ACAA1: variants seen among roughly 807,000 people sequenced by gnomAD.
ACAA1 encodes the protein acetyl-CoA acyltransferase 1.
A neutral mutation model predicts 48.8 loss-of-function variants in ACAA1; 44 were observed. The ratio of observed to expected loss-of-function variants is 0.90; its 90% confidence interval spans 0.71 to 1.16. The LOEUF (loss-of-function observed/expected upper bound fraction) is 1.16, where lower values mean the gene tolerates loss of function less well. Ranked by LOEUF, ACAA1 falls within the 50% of genes most tolerant of loss-of-function variation. The pLI, the probability that ACAA1 is intolerant of heterozygous loss-of-function variation, is 0.00. For synonymous variants in ACAA1, 233 were observed against 226.5 expected, an observed-to-expected ratio of 1.03 and a Z score of -0.26; for missense variants, 512 against 562.3, an observed-to-expected ratio of 0.91 and a Z score of 0.90.
rs143507571 is a variant in ACAA1 at position 38,132,002 on chromosome 3, G to A, written c.327C>T (p.Asp109=). 6.6e-5 allele frequency: 106 copies of A among 1,613,230 alleles called. No individual in the cohort carries two copies. The African/African-American group carries it at 1.2e-3, about 18-fold the overall frequency. The part of the protein sequence containing the change: ...IMARIAQFLS[D]IPETVPLSTV... ...TGGACAAAGGCACAGTCTCCGGGATGTCACTGAAACAGAAGGTGAGAAAGT... is the reference window on the plus strand; with the variant it reads ...TGGACAAAGGCACAGTCTCCGGGATATCACTGAAACAGAAGGTGAGAAAGT... Residue 109 remains aspartate (D), a synonymous_variant, in exon 4 of 12, where the codon GAC becomes GAT. Transcript: ENST00000333167.
chr3:38,127,913 G>A (rs1700710972), intron 6 of ACAA1, 47 bp from the exon 7 acceptor site: 1 of 1,599,238 alleles, frequency 6.3e-7, no homozygotes, highest in Non-Finnish European at 8.6e-7. Flanking sequence ...TGACAGCCTA[G>A]AGGAAGGGAC....
intron 2 of ACAA1, chr3:38,134,384 G>A (rs1389849598): frequency 7.1e-6 from 3 of 422,940 alleles, no homozygotes; most frequent in Non-Finnish European, 1.4e-5. Flanking sequence ...AACAGTGATT[G>A]CCGACCTAGG....
At position 38,126,798 on chromosome 3, in the gene ACAA1, G is replaced by A. The variant is rs1700692195; in HGVS notation, c.627-98C>T. On this transcript the variant is annotated intron_variant, in intron 7 of 11. Coordinates refer to ENST00000333167, the MANE Select transcript of ACAA1 (RefSeq NM_001607.4). This position sits in a 1 kb window ranked among gnomAD's most constrained non-coding sequence, Gnocchi z 4.7. ...ATTTGGGTAGACACAAGCTCAGGCTGCTAAATTCAGGGACATGCTCGACTT... is the reference window on the plus strand; with the variant it reads ...ATTTGGGTAGACACAAGCTCAGGCTACTAAATTCAGGGACATGCTCGACTT... 2.1e-6 allele frequency: 3 copies of A among 1,448,794 alleles called. No homozygotes were observed. The highest frequency in any genetic ancestry group is 2.8e-5 in the African/African-American group (2 of 71,532). The allele number at this position is 1,448,794 out of a possible 1,614,324, so 89.7% of individuals were successfully genotyped here.
intron 3 of ACAA1, 199 bp from the exon 4 acceptor site, chr3:38,132,204 A>G: frequency 4.6e-6 from 2 of 438,704 alleles, no homozygotes; most frequent in Non-Finnish European, 8.5e-6. Context: ...CTCTGCAGGC[A>G]CTTGCTCCCC....
intron 2 of ACAA1, chr3:38,134,482 T>TG: frequency 2.2e-6 from 1 of 457,914 alleles, no homozygotes; most frequent in Non-Finnish European, 4.4e-6. Flanking sequence ...CTGAAGATTG[T>TG]GGGGAAAAGA....
At position 38,125,609 on chromosome 3, in the gene ACAA1, T is replaced by G. The variant is rs948315727; in HGVS notation, c.1155A>C (p.Arg385=). 6.3e-7 allele frequency: 1 copy of G among 1,595,052 alleles called. No individual in the cohort carries two copies. The highest frequency in any genetic ancestry group is 1.3e-5 in the African/African-American group (1 of 74,392). ...GCTCATTGAGCAGCGTGATGACCTG[T>G]CGTGCCCCAGTGCAGCCCAGTGGGT... is the stretch of plus-strand genomic sequence containing the variant. The part of the protein sequence containing the change: ...LGHPLGCTGA[R]QVITLLNELK... Residue 385 remains arginine (R), a synonymous_variant, in exon 11 of 12, where the codon CGA becomes CGC. Coordinates refer to ENST00000333167, the MANE Select transcript of ACAA1 (RefSeq NM_001607.4).
chr3:38,129,446 C>T lies in ACAA1; in HGVS notation c.447-58G>A. On this transcript the variant is annotated intron_variant, in intron 5 of 11. Transcript: ENST00000333167. This position sits in a 1 kb window ranked among gnomAD's most constrained non-coding sequence, Gnocchi z 5.3. The stretch of plus-strand genomic sequence containing the variant: ...TGAACTGGGCCCTAGCAGGACTCCT[C>T]CAGAGATAGCTGAACACTTGGCAAG... 7.4e-7 allele frequency: 1 copy of T among 1,350,698 alleles called. No homozygotes were observed. Among genetic ancestry groups the T allele is most frequent in the Non-Finnish European group, 1.1e-6 (1 of 949,120 alleles). 83.7% of individuals were successfully genotyped at this position (1,350,698 alleles called of 1,614,324 possible).
intron 2 of ACAA1, among the ~76,000 whole-genome samples, chr3:38,134,975 G>A (rs962611687): frequency 1.2e-4 from 19 of 152,112 alleles, no homozygotes; most frequent in Admixed American, 9.8e-4. Context: ...GGAATGTCTC[G>A]GTGTAAAGCC....
intron 4 of ACAA1, 75 bp downstream of exon 4, chr3:38,131,851 T>C: frequency 1.4e-6 from 2 of 1,437,636 alleles, no homozygotes; most frequent in Admixed American, 3.4e-5. Context: ...AATTATTGCT[T>C]GCCCGGCAGA....
At position 38,125,887 on chromosome 3, in the gene ACAA1, G is replaced by C; in HGVS notation, c.998-6C>G. On this transcript the variant is annotated splice_region_variant and splice_polypyrimidine_tract_variant and intron_variant, in intron 9 of 11. Transcript: ENST00000333167. ...CACGTCACTCACTGTCAGCCCTGCAGACAAGGTAAAGACCTGAGCTGACAC... is the reference window on the plus strand; with the variant it reads ...CACGTCACTCACTGTCAGCCCTGCACACAAGGTAAAGACCTGAGCTGACAC... 1.2e-6 allele frequency: 2 copies of C among 1,614,184 alleles called. No homozygotes were observed. Among genetic ancestry groups the C allele is most frequent in the Non-Finnish European group, 1.7e-6 (2 of 1,180,040 alleles).
intron 11 of ACAA1, 26 bp from the exon 12 acceptor site, chr3:38,123,148 G>A: frequency 6.2e-7 from 1 of 1,611,722 alleles, no homozygotes; most frequent in Non-Finnish European, 8.5e-7. Context: ...TTAATTGGCT[G>A]GGCAAAGGCA....
intron 5 of ACAA1, among the ~76,000 whole-genome samples, chr3:38,130,128 C>T (rs1042255220): frequency 6.6e-6 from 1 of 152,196 alleles, no homozygotes; most frequent in Non-Finnish European, 1.5e-5. Context: ...GGAAGTGCTA[C>T]GAGCTGAGAG....
Position 38,126,695 on chromosome 3 carries a change from G to C in ACAA1, c.632C>G (p.Ala211Gly). Residue 211 changes from alanine (A) to glycine (G), a missense_variant, in exon 8 of 12, where the codon GCA (alanine) becomes GGA (glycine). By Grantham distance (60) the Ala-to-Gly change is moderately conservative. Coordinates refer to ENST00000333167, the MANE Select transcript of ACAA1 (RefSeq NM_001607.4). The surrounding 1 kb of genome is among the most constrained non-coding windows in gnomAD (Gnocchi z 4.7). The part of the protein sequence containing the change: ...TFALASQQKA[A>G]RAQSKGCFQA... ...GAAACAGCCCTTGCTCTGGGCTCTTGCTGCCCTGCCAGCACCATGGACAGC... is the reference window on the plus strand; with the variant it reads ...GAAACAGCCCTTGCTCTGGGCTCTTCCTGCCCTGCCAGCACCATGGACAGC... The C allele has an allele frequency of 1.9e-6, 3 of 1,613,364 alleles. No homozygotes were observed. Among genetic ancestry groups the C allele is most frequent in the Admixed American group, 1.7e-5 (1 of 60,018 alleles).
chr3:38,127,940 G>A, intron 6 of ACAA1, 74 bp from the exon 7 acceptor site: 1 of 1,533,198 alleles, frequency 6.5e-7, no homozygotes, highest in Non-Finnish European at 9.0e-7. Flanking sequence ...GTAGAGCTGT[G>A]CTTGGAACTT....
intron 2 of ACAA1, chr3:38,135,322 A>C (rs1353981840): frequency 6.6e-6 from 1 of 152,178 alleles, no homozygotes; most frequent in African/African-American, 2.4e-5. Context: ...ACAGAGACAA[A>C]GTATAGAGGA....
intron 7 of ACAA1, among the ~76,000 whole-genome samples, chr3:38,127,031 C>T (rs1239964142): frequency 6.6e-6 from 1 of 152,232 alleles, no homozygotes; most frequent in East Asian, 1.9e-4. Flanking sequence ...AATATCTGTG[C>T]TGGGTTCTGC....
At chr3:38,135,082 C>T (rs1700863988) in intron 2 of ACAA1, 1 of 152,266 alleles carries the variant, frequency 6.6e-6, no homozygotes, top group Non-Finnish European at 1.5e-5. Flanking sequence ...CTTTGCTACA[C>T]TGAGATGTCT....
intron 2 of ACAA1, chr3:38,134,533 A>C (rs964764676): frequency 2.2e-6 from 1 of 456,170 alleles, no homozygotes; most frequent in South Asian, 1.6e-5. Flanking sequence ...AAAGGAAGAC[A>C]TAAGAAACTC....
At position 38,129,318 on chromosome 3, in the gene ACAA1, T is replaced by C; in HGVS notation, c.517A>G (p.Lys173Glu). ...NITSRLMEKE[K>E]ARDCLIPMGI... ...ATAGGAATCAGGCAATCTCTGGCCTTCTCCTTCTCCATCAAGCGCGAAGTA... is the reference window on the plus strand; with the variant it reads ...ATAGGAATCAGGCAATCTCTGGCCTCCTCCTTCTCCATCAAGCGCGAAGTA... Residue 173 changes from lysine to glutamate, a missense_variant, in exon 6 of 12, where the codon AAG becomes GAG. Lys to Glu is a moderately conservative substitution (Grantham distance 56). Transcript: ENST00000333167. The surrounding 1 kb of genome is among the most constrained non-coding windows in gnomAD (Gnocchi z 5.3). 1 of 1,614,056 alleles carries C rather than the reference T, an allele frequency of 6.2e-7. No homozygotes were observed. The highest frequency in any genetic ancestry group is 1.1e-5 in the South Asian group (1 of 91,072).
Sources: gnomAD v4.1 joint callset for allele counts (sites outside exome capture counted in the v4.1 genomes callset) on GRCh38, gnomAD v4.1.1 for gene constraint, Gnocchi (gnomAD v3.1) non-coding constraint, MANE v1.5 for transcripts, NCBI Gene and HGNC (gene_info 2026-07-23, HGNC 2026-07-21) for gene names.